The following SEC22B variants were observed in gnomAD, a reference collection of about 807,000 sequenced individuals.
The protein encoded by SEC22B is vesicle-trafficking protein SEC22b.
Under a neutral mutation model 31.4 loss-of-function variants are expected in SEC22B, and 10 were observed. The ratio of observed to expected loss-of-function variants is 0.32; its 90% CI spans 0.20 to 0.54. The LOEUF (loss-of-function observed/expected upper bound fraction) is 0.54. SEC22B is among the 20% of genes least tolerant of loss of function. SEC22B has a pLI of 0.94. For synonymous variants in SEC22B, 60 were observed against 95.9 expected (o/e 0.63, Z 2.19); for missense variants, 130 against 263.4 (o/e 0.49, Z 3.50).
At position 120,152,104 on chromosome 1, in the gene SEC22B, T is replaced by C. The variant is rs1296165391; in HGVS notation, c.*4934A>G. On this transcript the variant is annotated 3_prime_UTR_variant, in exon 5 of 5. Transcript: ENST00000578049. ...CCAAAAAACAAGTTTGAAGGTATAT[T>C]TGGGAGTTACCAGTAATATAGGTAA... 2 of 152,056 alleles carry C rather than the reference T, an allele frequency of 1.3e-5. No individual in the cohort carries two copies. The highest frequency in any genetic ancestry group is 2.9e-5 in the Non-Finnish European group (2 of 68,028). 9.4% of individuals were successfully genotyped at this position (152,056 alleles called of 1,614,324 possible).
At chr1:120,157,504 T>A (rs1657647737) in intron 4 of SEC22B, 2 of 186,088 alleles carry the variant, frequency 1.1e-5, no homozygotes, top group Non-Finnish European at 2.2e-5. Flanking sequence ...AGTTTCTTCA[T>A]CTATAATTGG....
rs1425510250 is a variant in SEC22B at position 120,152,328 on chromosome 1, GAATA to G, written c.*4706_*4709del. The G allele has an allele frequency of 8.1e-4, 121 of 149,864 alleles. No homozygotes were observed. Among genetic ancestry groups the G allele is most frequent in the Non-Finnish European group, 9.5e-4 (64 of 67,634 alleles). The allele number at this position is 149,864 out of a possible 1,614,324, so 9.3% of individuals were successfully genotyped here. On this transcript the variant is annotated 3_prime_UTR_variant, in exon 5 of 5. Transcript: ENST00000578049. ...AGATAAATTTAGGCCTAAAAATAAA[GAATA>G]AATACACTCAGTTGATTCTGAAGCT...
chr1:120,163,145 G>A (rs1294229574), intron 3 of SEC22B, 65 bp downstream of exon 3: 5 of 554,638 alleles, frequency 9.0e-6, no homozygotes, highest in Non-Finnish European at 1.6e-5. Context: ...TTATATCAGT[G>A]TAACAAATAG....
At position 120,160,406 on chromosome 1, in the gene SEC22B, T is replaced by C. The variant is rs1657696945; in HGVS notation, c.471A>G (p.Leu157=). 1 of 1,612,356 alleles carries C rather than the reference T, an allele frequency of 6.2e-7. No individual in the cohort carries two copies. The highest frequency in any genetic ancestry group is 1.1e-5 in the South Asian group (1 of 90,676). ...TACCTGAGAGTGCTTCTCCTCGTTG[T>C]AACACTTCTTCAATATTGGCCACCA... ...RIMVANIEEV[L]QRGEALSALD... Residue 157 remains leucine (L), a synonymous_variant, in exon 4 of 5, where the codon TTA becomes TTG. Coordinates refer to ENST00000578049, the MANE Select transcript of SEC22B (RefSeq NM_004892.6).
At chr1:120,175,692 G>T (rs1334819362) in intron 1 of SEC22B, among the ~76,000 whole-genome samples, 8 of 152,138 alleles carry the variant, frequency 5.3e-5, no homozygotes, top group Non-Finnish European at 1.0e-4. Context: ...AGATGATTAA[G>T]ACCCGTCGTT....
intron 2 of SEC22B, among the ~76,000 whole-genome samples, 194 bp downstream of exon 2, chr1:120,168,646 G>A (rs1488804007): frequency 1.3e-5 from 2 of 150,280 alleles, no homozygotes; most frequent in South Asian, 4.2e-4. Flanking sequence ...CATGTTAACA[G>A]GTTAAATTAC....
intron 2 of SEC22B, among the ~76,000 whole-genome samples, chr1:120,165,590 G>A (rs1657792148): frequency 6.6e-6 from 1 of 151,916 alleles, no homozygotes; most frequent in Non-Finnish European, 1.5e-5. Context: ...TAAAATCAGA[G>A]GTTCTTTAGT....
At chr1:120,164,545 A>G (rs1423491025) in intron 2 of SEC22B, among the ~76,000 whole-genome samples, 1 of 151,974 alleles carries the variant, frequency 6.6e-6, no homozygotes, top group Non-Finnish European at 1.5e-5. Flanking sequence ...TCCTGCATTA[A>G]TTCACTTAGG....
intron 3 of SEC22B, 73 bp from the exon 4 acceptor site, chr1:120,160,603 G>A: frequency 1.4e-6 from 2 of 1,405,282 alleles, no homozygotes; most frequent in Non-Finnish European, 1.9e-6. Context: ...TAAAAGTTCT[G>A]AGTTGGCCAG....
Position 120,160,483 on chromosome 1 carries a change from G to C in SEC22B, c.394C>G (p.Arg132Gly). 2 of 1,607,340 alleles carry C rather than the reference G, an allele frequency of 1.2e-6. No homozygotes were observed. Among genetic ancestry groups the C allele is most frequent in the Non-Finnish European group, 8.5e-7 (1 of 1,176,340 alleles). ...GTGTTGATGGAGCCTAGATTTCTTCGAGCACGACTGTCAATGTAGAGCTTC... is the reference window on the plus strand; with the variant it reads ...GTGTTGATGGAGCCTAGATTTCTTCCAGCACGACTGTCAATGTAGAGCTTC... ...TKKLYIDSRA[R>G]RNLGSINTEL... Residue 132 changes from arginine (R) to glycine (G), a missense_variant, in exon 4 of 5, where the codon CGA (arginine) becomes GGA (glycine). Arg to Gly is a moderately radical substitution (Grantham distance 125). Transcript: ENST00000578049.
chr1:120,159,906 TA>T (rs1452115158), intron 4 of SEC22B, among the ~76,000 whole-genome samples: 29 of 151,128 alleles, frequency 1.9e-4, no homozygotes, highest in African/African-American at 6.6e-4. Flanking sequence ...AAGCTCTCAA[TA>T]ACAATGGCTG....
chr1:120,164,680 C>T (rs1386698049), intron 2 of SEC22B, among the ~76,000 whole-genome samples: 2 of 152,180 alleles, frequency 1.3e-5, no homozygotes, highest in Non-Finnish European at 2.9e-5. Context: ...CTAACATGTA[C>T]CTAGGTTGAT....
At chr1:120,168,222 T>C (rs1657843271) in intron 2 of SEC22B, among the ~76,000 whole-genome samples, 1 of 152,010 alleles carries the variant, frequency 6.6e-6, no homozygotes, top group Non-Finnish European at 1.5e-5. Flanking sequence ...AGCTTCAAAC[T>C]TGGCATGTAT....
intron 3 of SEC22B, among the ~76,000 whole-genome samples, chr1:120,160,910 A>ACC (rs1285901185): frequency 7.3e-5 from 11 of 150,428 alleles, no homozygotes; most frequent in South Asian, 2.1e-4. Context: ...AAAAAAAAAA[A>ACC]CCAAAACAGT....
At chr1:120,163,868 G>GCACC (rs1657759700) in intron 2 of SEC22B, among the ~76,000 whole-genome samples, 1 of 150,240 alleles carries the variant, frequency 6.7e-6, no homozygotes, top group Admixed American at 6.6e-5. Flanking sequence ...GTGAGCCACT[G>GCACC]CACCCAGCCT....
chr1:120,152,493 T>C lies in SEC22B; in HGVS notation c.*4545A>G, dbSNP rs1212006318. The C allele has an allele frequency of 6.7e-6, 1 of 149,688 alleles. No individual in the cohort carries two copies. The highest frequency in any genetic ancestry group is 2.0e-4 in the East Asian group (1 of 5,126). The allele number at this position is 149,688 out of a possible 1,614,324, so 9.3% of individuals were successfully genotyped here. A position where few individuals can be genotyped will look rare whatever the true frequency, so the allele number is the denominator to read the frequency against. Reference sequence around the variant, plus strand: ...GGAGAAGAGAATGGACAAAAGGAGATAGGAAAAACAGGAATTTTTTTTTTA... The same window carrying C: ...GGAGAAGAGAATGGACAAAAGGAGACAGGAAAAACAGGAATTTTTTTTTTA... On this transcript the variant is annotated 3_prime_UTR_variant, in exon 5 of 5. Transcript: ENST00000578049.
chr1:120,153,787 T>TG lies in SEC22B; in HGVS notation c.*3250dup, dbSNP rs1224075752. 1.6e-5 allele frequency: 2 copies of TG among 126,466 alleles called. No individual in the cohort carries two copies. The highest frequency in any genetic ancestry group is 3.9e-5 in the African/African-American group (1 of 25,948). 7.8% of individuals were successfully genotyped at this position (126,466 alleles called of 1,614,324 possible). On this transcript the variant is annotated 3_prime_UTR_variant, in exon 5 of 5. Coordinates refer to ENST00000578049, the MANE Select transcript of SEC22B (RefSeq NM_004892.6). ...TGAGGGAACATGGACCATTAGGTCA[T>TG]GAACAGACTTTGTAGTCTTTGAACA...
In SEC22B at chr1:120,151,717, G is replaced by A. The variant is rs1657543135; in HGVS notation, c.*5321C>T. ...ATTATCATGGTAGTACTGACTAAAA[G>A]AGGGACATGTGTAACAAAATCAGTA... On this transcript the variant is annotated 3_prime_UTR_variant, in exon 5 of 5. Coordinates refer to ENST00000578049, the MANE Select transcript of SEC22B (RefSeq NM_004892.6). The A allele has an allele frequency of 1.3e-5, 2 of 151,644 alleles. No homozygotes were observed. Among genetic ancestry groups the A allele is most frequent in the Non-Finnish European group, 2.9e-5 (2 of 67,958 alleles). The allele number at this position is 151,644 out of a possible 1,614,324, so 9.4% of individuals were successfully genotyped here.
In SEC22B at chr1:120,153,297, A is replaced by G. The variant is rs1657576500; in HGVS notation, c.*3741T>C. The G allele has an allele frequency of 1.3e-5, 2 of 150,320 alleles. No individual in the cohort carries two copies. The highest frequency in any genetic ancestry group is 5.0e-5 in the African/African-American group (2 of 39,914). 9.3% of individuals were successfully genotyped at this position (150,320 alleles called of 1,614,324 possible). On this transcript the variant is annotated 3_prime_UTR_variant, in exon 5 of 5. Coordinates refer to ENST00000578049, the MANE Select transcript of SEC22B (RefSeq NM_004892.6). The stretch of plus-strand genomic sequence containing the variant: ...AAGAAAAACCCACCAGGTAGGAGTC[A>G]GTTAGTTCTGCTAACTAACTAACCA...
Sources: allele counts gnomAD v4.1 joint callset (sites outside exome capture counted in the v4.1 genomes callset), GRCh38; gene constraint gnomAD v4.1.1; transcripts MANE v1.5; gene names NCBI Gene and HGNC (gene_info 2026-07-23, HGNC 2026-07-21).